Variants in DMD observed in about 807,000 individuals in gnomAD.
DMD encodes dystrophin.
In DMD, 63 loss-of-function variants were observed where a neutral mutation model predicts 330.1. The observed-to-expected ratio is 0.19, with a 90% CI of 0.16 to 0.24. The LOEUF (loss-of-function observed/expected upper bound fraction) is 0.24. DMD is among the 10% of genes least tolerant of loss of function. The pLI is 1.00. For missense variants in DMD, 3,344 were observed against 2,684.1 expected, an observed-to-expected ratio of 1.25 and a Z score of -5.43; for synonymous variants, 1,223 against 959.8, an observed-to-expected ratio of 1.27 and a Z score of -5.07.
chrX:31,239,023 A>C (rs1464606141), intron 63 of DMD, among the ~76,000 whole-genome samples: 1 of 112,337 alleles, frequency 8.9e-6, no homozygotes, highest in Non-Finnish European at 1.9e-5. Context: ...TTTTGCTCCC[A>C]TAGAAACATA....
intron 1 of DMD, among the ~76,000 whole-genome samples, chrX:33,331,719 T>C (rs1034314627): frequency 2.7e-5 from 3 of 111,747 alleles, no homozygotes; most frequent in African/African-American, 9.7e-5. Flanking sequence ...GTTGTCATCC[T>C]GTACCTCCTC....
chrX:31,905,828 C>T (rs1407731946), intron 47 of DMD, among the ~76,000 whole-genome samples: 7 of 111,899 alleles, frequency 6.3e-5, no homozygotes, highest in Non-Finnish European at 9.4e-5. Flanking sequence ...TTAGAAATGA[C>T]GAATAATAGT....
At chrX:32,905,217 T>A (rs1050231695) in intron 2 of DMD, among the ~76,000 whole-genome samples, 1 of 111,959 alleles carries the variant, frequency 8.9e-6, no homozygotes, top group Non-Finnish European at 1.9e-5. Flanking sequence ...GAGCATTTTT[T>A]AGATAATTTC....
At chrX:32,009,691 G>C (rs1053806405) in intron 44 of DMD, among the ~76,000 whole-genome samples, 1 of 111,511 alleles carries the variant, frequency 9.0e-6, no homozygotes, top group Non-Finnish European at 1.9e-5. Flanking sequence ...ACATTTAGAG[G>C]CTCCTTGGAG....
At position 32,681,465 on chromosome X, in the gene DMD, G is replaced by A. The variant is rs771200012; in HGVS notation, c.960+16405C>T. Among the ~76,000 whole-genome samples, 6 of 111,827 alleles carry A rather than the reference G, an allele frequency of 5.4e-5. No individual in the cohort carries two copies. The South Asian group carries it at 2.3e-3, about 42-fold the overall frequency. ...TTATACGTAACTCTTCTATTACGAT[G>A]AGGTTGATGGGATTAATAATTCATA... is the stretch of plus-strand genomic sequence containing the variant. On this transcript the variant is annotated intron_variant, in intron 9 of 78. Transcript: ENST00000357033.
At chrX:31,408,824 G>A (rs1266932629) in intron 60 of DMD, among the ~76,000 whole-genome samples, 1 of 111,845 alleles carries the variant, frequency 8.9e-6, no homozygotes, top group African/African-American at 3.3e-5. Flanking sequence ...TAGGGTACAT[G>A]TGCACAACGT....
Position 31,120,965 on chromosome X carries a change from C to CT in DMD, c.*953dup, listed in dbSNP as rs60841052. Reference sequence around the variant, plus strand: ...ATGTTCCCTTTAAAAAAATCCAATACTTTACTTTACTTTCGTTGTCAGTGG... The same window carrying CT: ...ATGTTCCCTTTAAAAAAATCCAATACTTTTACTTTACTTTCGTTGTCAGTGG... On this transcript the variant is annotated 3_prime_UTR_variant, in exon 79 of 79. Transcript: ENST00000357033. The CT allele has an allele frequency of 9.0e-6, 1 of 110,719 alleles. No homozygotes were observed. Among genetic ancestry groups the CT allele is most frequent in the African/African-American group, 3.3e-5 (1 of 30,196 alleles). The allele number at this position is 110,719 out of a possible 1,213,427, so 9.1% of individuals were successfully genotyped here.
rs749202992 is a variant in DMD, at chrX:31,485,767, T to G, written c.8548-6664A>C. ...GCCCGTGCTTTTCAAAACACAGATG[T>G]CTTTCAATCATGTACAGCTTGCCTG... On this transcript the variant is annotated intron_variant, in intron 57 of 78. Transcript: ENST00000357033. Among the ~76,000 whole-genome samples the G allele has an allele frequency of 3.6e-5, 4 of 112,253 alleles. No homozygotes were observed. The Admixed American group carries it at 3.8e-4, about 11-fold the overall frequency.
intron 44 of DMD, among the ~76,000 whole-genome samples, chrX:32,175,557 C>T (rs1021172478): frequency 1.8e-5 from 2 of 110,981 alleles, no homozygotes; most frequent in African/African-American, 6.6e-5. Flanking sequence ...AGAGCTGTAA[C>T]AGTCACCGCA....
At chrX:31,767,816 C>T (rs911485775) in intron 51 of DMD, among the ~76,000 whole-genome samples, 2 of 111,697 alleles carry the variant, frequency 1.8e-5, no homozygotes, top group South Asian at 3.7e-4. Flanking sequence ...TGTGTATAGA[C>T]AGAGTTTTAA....
intron 51 of DMD, among the ~76,000 whole-genome samples, chrX:31,764,386 C>T (rs778333398): frequency 1.3e-3 from 149 of 111,478 alleles, no homozygotes; most frequent in African/African-American, 4.8e-3. Context: ...GAGGGGACTT[C>T]TGATTCTATC....
intron 1 of DMD, among the ~76,000 whole-genome samples, chrX:33,272,835 A>G (rs1294155194): frequency 9.0e-6 from 1 of 111,602 alleles, no homozygotes; most frequent in Non-Finnish European, 1.9e-5. Flanking sequence ...ATAAAAAGAG[A>G]AAGATTAGAA....
chrX:31,242,300 AGATTCT>A (rs1168949729), intron 63 of DMD, among the ~76,000 whole-genome samples: 1 of 98,177 alleles, frequency 1.0e-5, no homozygotes, highest in East Asian at 3.6e-4. Context: ...AATCTGGAGT[AGATTCT>A]CAGAGAACAA....
At chrX:31,724,179 A>C (rs760312410) in intron 52 of DMD, among the ~76,000 whole-genome samples, 1 of 112,090 alleles carries the variant, frequency 8.9e-6, no homozygotes, top group Non-Finnish European at 1.9e-5. Context: ...TATATGGTTG[A>C]CTCCACTTCT....
rs1244881077 is a variant in DMD at position 33,208,122 on chromosome X, A to G, written c.31+3160T>C. ...TGCCTTCAAATTATATACCCTGTAT[A>G]TTTCAAATAACTGCACCGCCTCCAT... On this transcript the variant is annotated intron_variant, in intron 1 of 78. Transcript: ENST00000357033. Among the ~76,000 whole-genome samples, 4 of 111,571 alleles carry G rather than the reference A, an allele frequency of 3.6e-5. No individual in the cohort carries two copies. In the East Asian group the frequency reaches 8.4e-4, roughly 23 times the overall value.
intron 60 of DMD, among the ~76,000 whole-genome samples, chrX:31,394,938 T>TGAGAGAGAGAGAGAGAGA (rs757803694): frequency 0.068 from 5,924 of 86,707 alleles, 350 homozygotes; most frequent in African/African-American, 0.11. Context: ...GAGAGAAGGG[T>TGAGAGAGAGAGAGAGAGA]GAGAGAGAGA....
intron 25 of DMD, among the ~76,000 whole-genome samples, chrX:32,462,931 G>A: frequency 9.0e-6 from 1 of 111,174 alleles, no homozygotes; most frequent in Non-Finnish European, 1.9e-5. Flanking sequence ...CTGCACTCCA[G>A]CCTGGGTGAC....
At chrX:32,500,911 T>A (rs1378232466) in intron 19 of DMD, among the ~76,000 whole-genome samples, 1 of 112,096 alleles carries the variant, frequency 8.9e-6, no homozygotes, top group Non-Finnish European at 1.9e-5. Flanking sequence ...GCAGGCAGAT[T>A]CTGAAAAAAG....
rs746957018 is a variant in DMD at position 32,369,521 on chromosome X, TA to T, written c.4846-4323del. On this transcript the variant is annotated intron_variant, in intron 34 of 78. Transcript: ENST00000357033. ...TACCATCAGCATTTTTCATTATTTT[TA>T]TTTAATGGTAGAACGGTAAAAATTA... Among the ~76,000 whole-genome samples the T allele has an allele frequency of 1.3e-4, 15 of 111,738 alleles. No homozygotes were observed. In the South Asian group the frequency reaches 5.2e-3, roughly 39 times the overall value.
Sources: gnomAD v4.1 joint callset for allele counts (sites outside exome capture counted in the v4.1 genomes callset) on GRCh38, gnomAD v4.1.1 for gene constraint, MANE v1.5 for transcripts, NCBI Gene and HGNC (gene_info 2026-07-23, HGNC 2026-07-21) for gene names.